The following RGS22 variants were observed in gnomAD, a reference collection of about 807,000 sequenced individuals.
RGS22 encodes the protein regulator of G-protein signaling 22.
A neutral mutation model predicts 172.9 loss-of-function variants in RGS22; 148 were observed. That is an observed-to-expected ratio of 0.86 (90% CI 0.75 to 0.98). RGS22 has a LOEUF of 0.98. RGS22 is among the 50% of genes least tolerant of loss of function. The pLI, the probability that RGS22 is intolerant of heterozygous loss-of-function variation, is 0.00. For synonymous variants in RGS22, 458 were observed against 480.2 expected (o/e 0.95, Z 0.60); for missense variants, 1,347 against 1,440.8 (o/e 0.93, Z 1.05).
intron 23 of RGS22, among the ~76,000 whole-genome samples, chr8:99,972,984 A>C (rs1207379952): frequency 1.1e-5 from 1 of 90,416 alleles, no homozygotes; most frequent in Non-Finnish European, 2.1e-5. Context: ...ACTCCATCTC[A>C]AAAAAAAAAA....
chr8:99,972,150 A>G (rs1444629483), intron 23 of RGS22, among the ~76,000 whole-genome samples: 2 of 152,192 alleles, frequency 1.3e-5, no homozygotes, highest in Non-Finnish European at 2.9e-5. Flanking sequence ...GCAATAGGGA[A>G]AGGATTCCCT....
intron 22 of RGS22, 55 bp from the exon 23 acceptor site, chr8:99,978,130 T>G: frequency 9.7e-7 from 1 of 1,030,604 alleles, no homozygotes; most frequent in Non-Finnish European, 1.4e-6. Flanking sequence ...CAATTTAAAC[T>G]CTATTCACCA....
At chr8:100,079,940 A>T (rs972379225) in intron 4 of RGS22, among the ~76,000 whole-genome samples, 194 bp downstream of exon 4, 1 of 152,208 alleles carries the variant, frequency 6.6e-6, no homozygotes, top group Non-Finnish European at 1.5e-5. Flanking sequence ...AATCTTCTCA[A>T]ATTGATAAGT....
intron 14 of RGS22, among the ~76,000 whole-genome samples, chr8:100,022,746 A>G: frequency 6.6e-6 from 1 of 151,982 alleles, no homozygotes; most frequent in Admixed American, 6.5e-5. Context: ...TTAATTAATT[A>G]ATTTATTTAT....
intron 7 of RGS22, among the ~76,000 whole-genome samples, chr8:100,064,746 T>C (rs1362749661): frequency 6.6e-6 from 1 of 152,230 alleles, no homozygotes; most frequent in Admixed American, 6.5e-5. Context: ...TAAATGATTA[T>C]ATGTGCTTTG....
At chr8:100,093,163 C>CA (rs542513128) in intron 3 of RGS22, 2,811 of 234,614 alleles carry the variant, frequency 0.012, 10 homozygotes, top group Non-Finnish European at 0.014. Flanking sequence ...CACAATGTCT[C>CA]AAAAAAAAAA....
intron 14 of RGS22, among the ~76,000 whole-genome samples, chr8:100,031,574 C>CGT (rs913969303): frequency 9.3e-5 from 14 of 151,040 alleles, no homozygotes; most frequent in East Asian, 5.8e-4. Context: ...AAATTTGGTG[C>CGT]GTGTGTGTGT....
intron 10 of RGS22, among the ~76,000 whole-genome samples, chr8:100,050,460 C>T (rs1821160349): frequency 6.6e-6 from 1 of 152,178 alleles, no homozygotes; most frequent in African/African-American, 2.4e-5. Context: ...TAAGGTCCCT[C>T]CAGCTCTACA....
At chr8:100,026,110 G>T (rs932343765) in intron 14 of RGS22, among the ~76,000 whole-genome samples, 1 of 152,164 alleles carries the variant, frequency 6.6e-6, no homozygotes, top group African/African-American at 2.4e-5. Flanking sequence ...TAGTCTAACT[G>T]CTATTCAGTT....
Position 100,093,474 on chromosome 8 carries a change from G to T in RGS22, c.90C>A (p.Asp30Glu). 2 of 1,593,482 alleles carry T rather than the reference G, an allele frequency of 1.3e-6. No homozygotes were observed. The highest frequency in any genetic ancestry group is 1.1e-5 in the South Asian group (1 of 88,298). ...DSLATDDFLV[D>E]YFNEFLSLPT... ...GAAGGCTTAGGAATTCATTAAAGTA[G>T]TCTACAAGGAAATCATCTGTTGCCA... The change falls in exon 3 of 28, where the codon GAC (aspartate) becomes GAA (glutamate). Residue 30 changes from aspartate to glutamate, a missense_variant. By Grantham distance (45) the Asp-to-Glu change is conservative (BLOSUM62 2). Coordinates refer to ENST00000360863, the MANE Select transcript of RGS22 (RefSeq NM_015668.5).
intron 20 of RGS22, among the ~76,000 whole-genome samples, chr8:99,992,431 G>C (rs963008611): frequency 1.3e-5 from 2 of 152,104 alleles, no homozygotes; most frequent in African/African-American, 4.8e-5. Flanking sequence ...GATCTATCAA[G>C]CAAATGTAAA....
intron 19 of RGS22, among the ~76,000 whole-genome samples, chr8:99,997,137 T>A (rs934712642): frequency 2.6e-5 from 4 of 152,214 alleles, no homozygotes; most frequent in African/African-American, 9.6e-5. Flanking sequence ...TGTCCTGGCC[T>A]ACATCTTTTC....
intron 23 of RGS22, among the ~76,000 whole-genome samples, chr8:99,975,605 A>T (rs894842923): frequency 2.3e-4 from 27 of 119,046 alleles, no homozygotes; most frequent in African/African-American, 9.5e-4. Flanking sequence ...TTAGATGACC[A>T]AAAAAAAAAA....
chr8:100,100,979 C>G (rs1271107971), intron 2 of RGS22, among the ~76,000 whole-genome samples: 1 of 152,112 alleles, frequency 6.6e-6, no homozygotes, highest in Non-Finnish European at 1.5e-5. Context: ...CAAAATAGAT[C>G]ATTACACTAC....
intron 20 of RGS22, among the ~76,000 whole-genome samples, chr8:99,995,949 A>C (rs962048206): frequency 1.3e-5 from 2 of 152,214 alleles, no homozygotes; most frequent in African/African-American, 4.8e-5. Flanking sequence ...GGATGAGTTC[A>C]TGTCCTTCGC....
At chr8:100,053,200 T>G (rs1042122096) in intron 9 of RGS22, among the ~76,000 whole-genome samples, 10 of 152,222 alleles carry the variant, frequency 6.6e-5, no homozygotes, top group Admixed American at 2.0e-4. Context: ...GCAATATACA[T>G]TGGGAAAAAC....
At chr8:100,061,206 A>G (rs1373307534) in intron 9 of RGS22, among the ~76,000 whole-genome samples, 1 of 152,110 alleles carries the variant, frequency 6.6e-6, no homozygotes, top group African/African-American at 2.4e-5. Context: ...TATAAAAACC[A>G]TGGAAGACAA....
In RGS22 at chr8:100,093,525, A is replaced by G; in HGVS notation, c.55-16T>C. 1 of 1,504,826 alleles carries G rather than the reference A, an allele frequency of 6.6e-7. No homozygotes were observed. The highest frequency in any genetic ancestry group is 9.2e-7 in the Non-Finnish European group (1 of 1,091,528). 93.2% of individuals were successfully genotyped at this position (1,504,826 alleles called of 1,614,324 possible). On this transcript the variant is annotated splice_polypyrimidine_tract_variant and intron_variant, in intron 2 of 27. Transcript: ENST00000360863. Reference sequence around the variant, plus strand: ...GAGAATCTTCCTGCAAAAAAAAAACATAAAAACACAGTATTATAATTATAC... The same window carrying G: ...GAGAATCTTCCTGCAAAAAAAAAACGTAAAAACACAGTATTATAATTATAC...
At chr8:100,080,669 C>A (rs1034040704) in intron 3 of RGS22, 6 of 226,106 alleles carry the variant, frequency 2.7e-5, no homozygotes, top group Non-Finnish European at 5.2e-5. Context: ...CTCTACAAAG[C>A]AATGTTATTC....
Sources: allele counts gnomAD v4.1 joint callset (sites outside exome capture counted in the v4.1 genomes callset), GRCh38; gene constraint gnomAD v4.1.1; transcripts MANE v1.5; gene names NCBI Gene and HGNC (gene_info 2026-07-23, HGNC 2026-07-21).